BTBD9: variants seen among roughly 807,000 people sequenced by gnomAD.
The protein encoded by BTBD9 is BTB domain containing 9, also known as BTB/POZ domain-containing protein 9.
A neutral mutation model predicts 64.3 loss-of-function variants in BTBD9; 49 were observed. That is an observed-to-expected ratio of 0.76 (90% confidence interval 0.61 to 0.97). The LOEUF (loss-of-function observed/expected upper bound fraction) is 0.97, where lower values mean the gene tolerates loss of function less well. Among genes scored for constraint, BTBD9 ranks in the 50% least tolerant of loss-of-function variants. BTBD9 has a pLI of 0.00. For missense variants in BTBD9, 598 were observed against 762.1 expected (o/e 0.78, Z 2.53); for synonymous variants, 260 against 274.7 (o/e 0.95, Z 0.53).
At chr6:38,199,670 C>T (rs1762389361) in intron 9 of BTBD9, among the ~76,000 whole-genome samples, 2 of 152,184 alleles carry the variant, frequency 1.3e-5, no homozygotes, top group Admixed American at 1.3e-4. Flanking sequence ...TGAGCTAACA[C>T]CTACACAACT....
intron 6 of BTBD9, among the ~76,000 whole-genome samples, chr6:38,501,057 G>A (rs1454817214): frequency 4.6e-5 from 7 of 151,988 alleles, no homozygotes; most frequent in Non-Finnish European, 7.4e-5. Flanking sequence ...TTATTAAAAC[G>A]AGAACAAAAT....
chr6:38,315,051 T>C (rs1407244469), intron 7 of BTBD9, among the ~76,000 whole-genome samples: 1 of 152,102 alleles, frequency 6.6e-6, no homozygotes, highest in Non-Finnish European at 1.5e-5. Context: ...GGTTTCACCA[T>C]GTTAGCCACG....
In BTBD9 at chr6:38,462,158, T is replaced by C. The variant is rs145950200; in HGVS notation, c.1154+115442A>G. The stretch of plus-strand genomic sequence containing the variant: ...CTTTAGAGGAGCAAAAGGTTTTACA[T>C]TTGAAGTCCAGTTTTTCAATTTTTT... On this transcript the variant is annotated intron_variant, in intron 6 of 10. Coordinates refer to ENST00000481247, the MANE Select transcript of BTBD9 (RefSeq NM_001099272.2). 3.3e-5 allele frequency among the ~76,000 whole-genome samples: 5 copies of C among 152,344 alleles called. 1 individual carries two copies. In the East Asian group the frequency reaches 9.6e-4, roughly 29 times the overall value.
rs559982359 is a variant in BTBD9, at chr6:38,361,857, C to A, written c.1155-16764G>T. Among the ~76,000 whole-genome samples the A allele has an allele frequency of 6.4e-5, 9 of 140,470 alleles. No homozygotes were observed. The South Asian group carries it at 1.9e-3, about 30-fold the overall frequency. The allele number at this position is 140,470 out of a possible 152,430, so 92.2% of individuals were successfully genotyped here. A position where few individuals can be genotyped will look rare whatever the true frequency, so the allele number is the denominator to read the frequency against. On this transcript the variant is annotated intron_variant, in intron 6 of 10. Coordinates refer to ENST00000481247, the MANE Select transcript of BTBD9 (RefSeq NM_001099272.2). ...CTCTGTCTCAAAGAAAAACAAAAAA[C>A]AACACCACAGGAAAAAAAAAAAACA...
At chr6:38,420,628 C>G (rs1049886355) in intron 6 of BTBD9, among the ~76,000 whole-genome samples, 1 of 151,708 alleles carries the variant, frequency 6.6e-6, no homozygotes, top group Non-Finnish European at 1.5e-5. Flanking sequence ...GAAGCTGAGG[C>G]AGGGGGATCA....
chr6:38,298,871 T>C (rs1350401052), intron 7 of BTBD9, among the ~76,000 whole-genome samples: 3 of 151,574 alleles, frequency 2.0e-5, no homozygotes, highest in Non-Finnish European at 2.9e-5. Context: ...TTTTTTTTAA[T>C]ATACTTTAAG....
chr6:38,437,212 A>G (rs1263204248), intron 6 of BTBD9, among the ~76,000 whole-genome samples: 2 of 152,250 alleles, frequency 1.3e-5, no homozygotes, highest in Non-Finnish European at 2.9e-5. Context: ...GGTGGACACC[A>G]AAGATGCTAA....
intron 1 of BTBD9, among the ~76,000 whole-genome samples, chr6:38,638,104 A>C (rs906093752): frequency 2.0e-5 from 3 of 152,194 alleles, no homozygotes; most frequent in African/African-American, 7.2e-5. Context: ...ATTTCCTAAC[A>C]AATTTTAACT....
chr6:38,593,037 A>G (rs764567508), intron 3 of BTBD9, among the ~76,000 whole-genome samples, 197 bp from the exon 4 acceptor site: 11 of 152,098 alleles, frequency 7.2e-5, no homozygotes, highest in Admixed American at 3.9e-4. Flanking sequence ...CCATTCTTTT[A>G]TGTTCAGGTA....
intron 6 of BTBD9, among the ~76,000 whole-genome samples, chr6:38,528,000 A>G (rs1773586628): frequency 6.6e-6 from 1 of 152,182 alleles, no homozygotes; most frequent in African/African-American, 2.4e-5. Flanking sequence ...TATTAAGGAA[A>G]GAGGCACTGA....
intron 9 of BTBD9, among the ~76,000 whole-genome samples, chr6:38,234,053 T>C (rs1763698293): frequency 6.6e-6 from 1 of 152,242 alleles, no homozygotes; most frequent in African/African-American, 2.4e-5. Flanking sequence ...GATGTTAATA[T>C]TTCATTAGGA....
chr6:38,407,622 A>G (rs1404593257), intron 6 of BTBD9, among the ~76,000 whole-genome samples: 5 of 152,174 alleles, frequency 3.3e-5, no homozygotes, highest in Non-Finnish European at 7.4e-5. Context: ...TCTAACTTGG[A>G]AAAAGGGAGC....
intron 6 of BTBD9, among the ~76,000 whole-genome samples, chr6:38,359,129 C>G (rs1343863468): frequency 1.3e-5 from 2 of 152,228 alleles, no homozygotes; most frequent in Non-Finnish European, 2.9e-5. Flanking sequence ...GGATGGCCAA[C>G]TATCCAGGTT....
chr6:38,631,075 A>T (rs1475292927), intron 1 of BTBD9, among the ~76,000 whole-genome samples: 1 of 152,272 alleles, frequency 6.6e-6, no homozygotes, highest in East Asian at 1.9e-4. Flanking sequence ...CAATTGTATA[A>T]GAATAAATGT....
In BTBD9 at chr6:38,169,879, T is replaced by C. The variant is rs1766682878; in HGVS notation, c.*5106A>G. On this transcript the variant is annotated 3_prime_UTR_variant, in exon 11 of 11. Coordinates refer to ENST00000481247, the MANE Select transcript of BTBD9 (RefSeq NM_001099272.2). ...TGAGTCTTCAGGCCATGAGGCCTCT[T>C]GGGGACTATTTCAGTTCTTTAAAAA... The C allele has an allele frequency of 7.7e-6, 1 of 130,370 alleles. No homozygotes were observed. The highest frequency in any genetic ancestry group is 2.5e-4 in the South Asian group (1 of 4,064). The allele number at this position is 130,370 out of a possible 1,614,324, so 8.1% of individuals were successfully genotyped here. A position where few individuals can be genotyped will look rare whatever the true frequency, so the allele number is the denominator to read the frequency against.
intron 1 of BTBD9, among the ~76,000 whole-genome samples, chr6:38,602,125 G>A (rs573029270): frequency 8.4e-4 from 128 of 152,252 alleles, no homozygotes; most frequent in African/African-American, 3.0e-3. Context: ...TAACCATATT[G>A]TAAGTCTAGG....
intron 1 of BTBD9, among the ~76,000 whole-genome samples, chr6:38,627,005 C>T (rs1437960931): frequency 6.6e-6 from 1 of 152,084 alleles, no homozygotes; most frequent in Non-Finnish European, 1.5e-5. Flanking sequence ...TTAATGTTTA[C>T]GTAATTAAAC....
At chr6:38,407,310 T>C (rs1191388418) in intron 6 of BTBD9, among the ~76,000 whole-genome samples, 1 of 152,190 alleles carries the variant, frequency 6.6e-6, no homozygotes, top group Non-Finnish European at 1.5e-5. Flanking sequence ...CCAATTCAAA[T>C]GGCAACTTTC....
At chr6:38,434,442 A>T (rs1768611717) in intron 6 of BTBD9, among the ~76,000 whole-genome samples, 1 of 151,902 alleles carries the variant, frequency 6.6e-6, no homozygotes, top group Non-Finnish European at 1.5e-5. Context: ...TATAGCCTGA[A>T]ACACCTCCCA....
Sources: allele counts gnomAD v4.1 joint callset (sites outside exome capture counted in the v4.1 genomes callset), GRCh38; gene constraint gnomAD v4.1.1; transcripts MANE v1.5; gene names NCBI Gene and HGNC (gene_info 2026-07-23, HGNC 2026-07-21).